ANKRD22: variants seen among roughly 807,000 people sequenced by gnomAD.
ANKRD22 encodes ankyrin repeat domain 22.
A neutral mutation model predicts 25.7 loss-of-function variants in ANKRD22; 24 were observed. The ratio of observed to expected loss-of-function variants is 0.93; its 90% CI spans 0.68 to 1.31. The LOEUF is 1.31. Among genes scored for constraint, ANKRD22 ranks in the 50% most tolerant of loss-of-function variants. The pLI, the probability that ANKRD22 is intolerant of heterozygous loss-of-function variation, is 0.00. For synonymous variants in ANKRD22, 84 were observed against 84.3 expected, an observed-to-expected ratio of 1.00 and a Z score of 0.02; for missense variants, 214 against 227.1, an observed-to-expected ratio of 0.94 and a Z score of 0.37.
intron 4 of ANKRD22, among the ~76,000 whole-genome samples, chr10:88,824,878 A>C (rs1271673863): frequency 1.3e-5 from 2 of 152,212 alleles, no homozygotes; most frequent in East Asian, 3.8e-4. Context: ...ATATATTTCA[A>C]AGCTATCTAA....
At chr10:88,824,484 G>A (rs887589370) in intron 4 of ANKRD22, among the ~76,000 whole-genome samples, 21 of 152,208 alleles carry the variant, frequency 1.4e-4, no homozygotes, top group Non-Finnish European at 2.4e-4. Context: ...ATTTTGTCAT[G>A]TGAAATAGAG....
Position 88,832,037 on chromosome 10 carries a change from A to G in ANKRD22, c.22-11T>C, listed in dbSNP as rs115245413. 2.5e-4 allele frequency: 393 copies of G among 1,583,858 alleles called. No individual in the cohort carries two copies. The African/African-American group carries it at 4.8e-3, about 20-fold the overall frequency. On this transcript the variant is annotated splice_polypyrimidine_tract_variant and intron_variant, in intron 1 of 5. Coordinates refer to ENST00000371930, the MANE Select transcript of ANKRD22 (RefSeq NM_144590.3). ...TGCTTGGCAGATGGGCTGGGTCGGG[A>G]AAAACAAAAGCAGGTTTTGAAATAC...
In ANKRD22 at chr10:88,843,240, T is replaced by A. The variant is rs1037471657; in HGVS notation, c.21+8347A>T. On this transcript the variant is annotated intron_variant, in intron 1 of 5. Coordinates refer to ENST00000371930, the MANE Select transcript of ANKRD22 (RefSeq NM_144590.3). Reference sequence around the variant, plus strand: ...AATTCCTTGTGTCTTGAATATTCTGTGGCGGAAGAAATTCTCATTCACATA... The same window carrying A: ...AATTCCTTGTGTCTTGAATATTCTGAGGCGGAAGAAATTCTCATTCACATA... 3.9e-5 allele frequency among the ~76,000 whole-genome samples: 6 copies of A among 152,190 alleles called. No homozygotes were observed. In the South Asian group the frequency reaches 1.2e-3, roughly 31 times the overall value.
At chr10:88,847,699 C>G (rs1388264210) in intron 1 of ANKRD22, among the ~76,000 whole-genome samples, 1 of 151,724 alleles carries the variant, frequency 6.6e-6, no homozygotes, top group Non-Finnish European at 1.5e-5. Flanking sequence ...TATCTGCAGA[C>G]CTTTTTGATA....
chr10:88,826,497 G>A (rs952858112), intron 3 of ANKRD22, among the ~76,000 whole-genome samples: 24 of 152,142 alleles, frequency 1.6e-4, no homozygotes, highest in African/African-American at 4.8e-4. Flanking sequence ...ACAAAGCCCC[G>A]TATGTTTTGG....
intron 1 of ANKRD22, among the ~76,000 whole-genome samples, chr10:88,847,892 C>A (rs1346329933): frequency 6.6e-6 from 1 of 151,882 alleles, no homozygotes; most frequent in African/African-American, 2.4e-5. Flanking sequence ...ATTTTTTACC[C>A]TTTGTGGACT....
At chr10:88,851,478 A>T in intron 1 of ANKRD22, 109 bp downstream of exon 1, 1 of 1,187,440 alleles carries the variant, frequency 8.4e-7, no homozygotes, top group South Asian at 1.2e-5. Flanking sequence ...TCCCCCAGGG[A>T]GTTGAACAGA....
chr10:88,834,594 C>A (rs945592714), intron 1 of ANKRD22, among the ~76,000 whole-genome samples: 1 of 152,148 alleles, frequency 6.6e-6, no homozygotes, highest in Non-Finnish European at 1.5e-5. Flanking sequence ...ATTTAAAAAA[C>A]TAGAATATTT....
chr10:88,844,444 T>C (rs750803508), intron 1 of ANKRD22, among the ~76,000 whole-genome samples: 38 of 152,160 alleles, frequency 2.5e-4, no homozygotes, highest in Non-Finnish European at 4.6e-4. Context: ...CATTTTGTTG[T>C]ATTAAATAGT....
chr10:88,834,708 G>T (rs1843936404), intron 1 of ANKRD22, among the ~76,000 whole-genome samples: 1 of 152,198 alleles, frequency 6.6e-6, no homozygotes, highest in Non-Finnish European at 1.5e-5. Flanking sequence ...GCCGAGGTGG[G>T]TGGATCACCT....
In ANKRD22 at chr10:88,826,035, T is replaced by TA. The variant is rs1843852700; in HGVS notation, c.399+2dup. 2 of 1,606,784 alleles carry TA rather than the reference T, an allele frequency of 1.2e-6. No homozygotes were observed. Among genetic ancestry groups the TA allele is most frequent in the African/African-American group, 2.7e-5 (2 of 74,816 alleles). ...TTCAAAATGGCTAAAAGTATAAACT[T>TA]ACACAATCTGTAGCATTAACTTCGA... On this transcript the variant is annotated splice_region_variant and intron_variant, in intron 4 of 5. Coordinates refer to ENST00000371930, the MANE Select transcript of ANKRD22 (RefSeq NM_144590.3).
intron 1 of ANKRD22, among the ~76,000 whole-genome samples, chr10:88,844,590 A>G (rs1844031296): frequency 6.6e-6 from 1 of 152,106 alleles, no homozygotes; most frequent in South Asian, 2.1e-4. Context: ...AACATAAGTA[A>G]ACATTACAGA....
intron 3 of ANKRD22, 24 bp from the exon 4 acceptor site, chr10:88,826,139 A>G: frequency 1.3e-6 from 2 of 1,567,140 alleles, no homozygotes; most frequent in Non-Finnish European, 1.7e-6. Context: ...TAATTATAAG[A>G]AAGGCTTATT....
At chr10:88,843,279 A>G (rs1844019410) in intron 1 of ANKRD22, among the ~76,000 whole-genome samples, 1 of 152,162 alleles carries the variant, frequency 6.6e-6, no homozygotes, top group African/African-American at 2.4e-5. Context: ...AGAAACGGGA[A>G]GTCCTGAGGT....
At chr10:88,839,687 A>C (rs932370625) in intron 1 of ANKRD22, among the ~76,000 whole-genome samples, 1 of 152,178 alleles carries the variant, frequency 6.6e-6, no homozygotes, top group African/African-American at 2.4e-5. Context: ...TCAAGCACCC[A>C]GAACATGGAT....
At chr10:88,824,282 A>G (rs1843833008) in intron 4 of ANKRD22, among the ~76,000 whole-genome samples, 2 of 152,244 alleles carry the variant, frequency 1.3e-5, no homozygotes, top group Admixed American at 1.3e-4. Flanking sequence ...ATTAGTGTCC[A>G]AAATTTGGCC....
intron 3 of ANKRD22, among the ~76,000 whole-genome samples, chr10:88,828,272 A>G (rs1289030097): frequency 1.3e-5 from 2 of 152,232 alleles, no homozygotes; most frequent in Non-Finnish European, 2.9e-5. Flanking sequence ...TTTAATATTC[A>G]GAATTTTTTT....
intron 3 of ANKRD22, among the ~76,000 whole-genome samples, chr10:88,827,854 C>A (rs1159074285): frequency 6.6e-5 from 10 of 152,132 alleles, no homozygotes; most frequent in Non-Finnish European, 1.5e-5. Context: ...TCTCTTGAGT[C>A]ATGTCTGAGA....
chr10:88,827,737 C>T (rs569868038), intron 3 of ANKRD22, among the ~76,000 whole-genome samples: 17 of 152,218 alleles, frequency 1.1e-4, no homozygotes, highest in African/African-American at 1.9e-4. Flanking sequence ...ACATTTTTGA[C>T]GGGCAGACTT....
Sources: gnomAD v4.1 joint callset for allele counts (sites outside exome capture counted in the v4.1 genomes callset) on GRCh38, gnomAD v4.1.1 for gene constraint, MANE v1.5 for transcripts, NCBI Gene and HGNC (gene_info 2026-07-23, HGNC 2026-07-21) for gene names.